AGAP1: variants seen among roughly 807,000 people sequenced by gnomAD.
AGAP1 encodes ArfGAP with GTPase domain, ankyrin repeat and PH domain 1, also known as arf-GAP with GTPase, ANK repeat and PH domain-containing protein 1.
AGAP1 carries 29 observed loss-of-function variants against 105.3 expected under a neutral mutation model. The ratio of observed to expected loss-of-function variants is 0.28; its 90% CI spans 0.21 to 0.38. The LOEUF (loss-of-function observed/expected upper bound fraction) is 0.38, where lower values mean the gene tolerates loss of function less well. AGAP1 is among the 10% of genes least tolerant of loss of function. The pLI, the probability that AGAP1 is intolerant of heterozygous loss-of-function variation, is 1.00. For synonymous variants in AGAP1, 509 were observed against 485.9 expected (o/e 1.05, Z -0.63); for missense variants, 998 against 1,165.1 (o/e 0.86, Z 2.09).
In AGAP1 at chr2:236,046,226, C is replaced by T. The variant is rs368081875; in HGVS notation, c.1892-2833C>T. On this transcript the variant is annotated intron_variant, in intron 15 of 17. Coordinates refer to ENST00000304032, the MANE Select transcript of AGAP1 (RefSeq NM_001037131.3). This position sits in a 1 kb window ranked among gnomAD's most constrained non-coding sequence, Gnocchi z 5.2. ...GTGTCAGAGCACTCCCCACAGCACTCGGTGATGGGCTGGATGCTGGGACAT... is the reference window on the plus strand; with the variant it reads ...GTGTCAGAGCACTCCCCACAGCACTTGGTGATGGGCTGGATGCTGGGACAT... Among the ~76,000 whole-genome samples, 11 of 152,044 alleles carry T rather than the reference C, an allele frequency of 7.2e-5. No homozygotes were observed. The highest frequency in any genetic ancestry group is 5.8e-4 in the East Asian group (3 of 5,182).
chr2:235,704,278 C>T (rs1417555738), intron 1 of AGAP1, among the ~76,000 whole-genome samples: 1 of 152,248 alleles, frequency 6.6e-6, no homozygotes, highest in African/African-American at 2.4e-5. Flanking sequence ...CTTGTAACAT[C>T]TGCTTAGCAA....
rs80276106 is a variant in AGAP1 at position 235,976,623 on chromosome 2, G to A, written c.1645+8000G>A. On this transcript the variant is annotated intron_variant, in intron 13 of 17. Transcript: ENST00000304032. This position sits in a 1 kb window ranked among gnomAD's most constrained non-coding sequence, Gnocchi z 4.5. ...AATGTTCATTGAGCACCTACTGCACGCAAGAGTTTTGTCTGATGCTGGATG... is the reference window on the plus strand; with the variant it reads ...AATGTTCATTGAGCACCTACTGCACACAAGAGTTTTGTCTGATGCTGGATG... Among the ~76,000 whole-genome samples, 2 of 152,176 alleles carry A rather than the reference G, an allele frequency of 1.3e-5. No homozygotes were observed. Among genetic ancestry groups the A allele is most frequent in the Non-Finnish European group, 2.9e-5 (2 of 68,038 alleles).
chr2:235,579,802 C>G (rs1158381221), intron 1 of AGAP1, among the ~76,000 whole-genome samples: 1 of 151,932 alleles, frequency 6.6e-6, no homozygotes, highest in Non-Finnish European at 1.5e-5. Context: ...TGAACACTTA[C>G]TTAGCGTATG....
At chr2:235,838,961 G>A (rs1316168760) in intron 9 of AGAP1, among the ~76,000 whole-genome samples, 1 of 152,166 alleles carries the variant, frequency 6.6e-6, no homozygotes, top group African/African-American at 2.4e-5. Context: ...GGGAATTTCA[G>A]TTGGAAACAT....
chr2:236,120,292 G>T lies in AGAP1; in HGVS notation c.2215G>T (p.Ala739Ser), dbSNP rs1267703982. The change falls in exon 17 of 18, where the codon GCC becomes TCC. Residue 739 changes from alanine to serine, a missense_variant. Transcript: ENST00000304032. The surrounding 1 kb of genome is among the most constrained non-coding windows in gnomAD (Gnocchi z 6.0). ...GTCCCTGGGCCAGCACCTGCTGCGG[G>T]CCACCGCCGACGAGGACCTGCGGAC... The part of the protein sequence containing the change: ...ELSLGQHLLR[A>S]TADEDLRTAI... 6.2e-7 allele frequency: 1 copy of T among 1,612,824 alleles called. No homozygotes were observed. Among genetic ancestry groups the T allele is most frequent in the East Asian group, 2.2e-5 (1 of 44,848 alleles).
At chr2:235,676,561 T>C (rs1948748306) in intron 1 of AGAP1, among the ~76,000 whole-genome samples, 1 of 152,188 alleles carries the variant, frequency 6.6e-6, no homozygotes, top group African/African-American at 2.4e-5. Context: ...GCAAGGTGTT[T>C]GGGATTTCTA....
At position 235,737,796 on chromosome 2, in the gene AGAP1, A is replaced by G. The variant is rs916814256; in HGVS notation, c.311-3167A>G. On this transcript the variant is annotated intron_variant, in intron 3 of 17. Coordinates refer to ENST00000304032, the MANE Select transcript of AGAP1 (RefSeq NM_001037131.3). The surrounding 1 kb of genome is among the most constrained non-coding windows in gnomAD (Gnocchi z 4.5). ...ACACTGGCGTTGCAGGGCCCCTGGG[A>G]CAGGCTCCACTCCTCCCTTCTTGCT... Among the ~76,000 whole-genome samples the G allele has an allele frequency of 3.9e-5, 6 of 152,026 alleles. No homozygotes were observed. Among genetic ancestry groups the G allele is most frequent in the African/African-American group, 1.4e-4 (6 of 41,400 alleles).
chr2:235,784,377 C>T (rs981273058), intron 6 of AGAP1, among the ~76,000 whole-genome samples: 1 of 152,184 alleles, frequency 6.6e-6, no homozygotes, highest in African/African-American at 2.4e-5. Context: ...GACTTCCTCA[C>T]TATTCCTAAA....
chr2:236,123,404 A>C lies in AGAP1; in HGVS notation c.2371-515A>C, dbSNP rs1255498056. ...ATCACAGTATAGTAATCAATAAAAA[A>C]TGAAAAAAATACAAATTATTTGTAC... On this transcript the variant is annotated intron_variant, in intron 17 of 17. Transcript: ENST00000304032. The surrounding 1 kb of genome is among the most constrained non-coding windows in gnomAD (Gnocchi z 4.6). Among the ~76,000 whole-genome samples, 2 of 151,896 alleles carry C rather than the reference A, an allele frequency of 1.3e-5. No individual in the cohort carries two copies. The highest frequency in any genetic ancestry group is 2.9e-5 in the Non-Finnish European group (2 of 68,032).
In AGAP1 at chr2:235,686,556, TACACAC is replaced by T. The variant is rs10700794; in HGVS notation, c.164-22596_164-22591del. Among the ~76,000 whole-genome samples, 128 of 101,864 alleles carry T rather than the reference TACACAC, an allele frequency of 1.3e-3. 1 individual carries two copies. Among genetic ancestry groups the T allele is most frequent in the South Asian group, 2.7e-3 (9 of 3,368 alleles). 66.8% of individuals were successfully genotyped at this position (101,864 alleles called of 152,430 possible). A position where few individuals can be genotyped will look rare whatever the true frequency, so the allele number is the denominator to read the frequency against. ...GGTTCCCAGGAAGGAGATATATATATACACACACACACACACACACACACACACACA... is the reference window on the plus strand; with the variant it reads ...GGTTCCCAGGAAGGAGATATATATATACACACACACACACACACACACACA... On this transcript the variant is annotated intron_variant, in intron 1 of 17. Transcript: ENST00000304032.
chr2:235,526,944 A>G (rs1418110577), intron 1 of AGAP1, among the ~76,000 whole-genome samples: 1 of 152,208 alleles, frequency 6.6e-6, no homozygotes, highest in Non-Finnish European at 1.5e-5. Flanking sequence ...TGTTTTGGAA[A>G]GGATTTGTCT....
chr2:235,694,634 C>T (rs963525013), intron 1 of AGAP1, among the ~76,000 whole-genome samples: 6 of 151,376 alleles, frequency 4.0e-5, no homozygotes, highest in South Asian at 2.1e-4. Context: ...TGCAATAGAA[C>T]GAGACTCCGC....
At chr2:235,786,961 A>G (rs1243219540) in intron 6 of AGAP1, among the ~76,000 whole-genome samples, 1 of 152,118 alleles carries the variant, frequency 6.6e-6, no homozygotes. Flanking sequence ...TTTTCCCAGC[A>G]TATGCTAGTT....
chr2:235,629,771 T>C (rs960939367), intron 1 of AGAP1, among the ~76,000 whole-genome samples: 1 of 148,170 alleles, frequency 6.7e-6, no homozygotes, highest in Admixed American at 6.9e-5. Flanking sequence ...CCAGCCCCTC[T>C]GGAGGATCCC....
At chr2:235,998,697 CAGTGATGATGA>C (rs1232770857) in intron 13 of AGAP1, among the ~76,000 whole-genome samples, 6 of 130,992 alleles carry the variant, frequency 4.6e-5, no homozygotes, top group African/African-American at 1.1e-4. Flanking sequence ...GTGGTGGTAG[CAGTGATGATGA>C]TAGTGGTGAT....
At chr2:235,907,024 A>G (rs760140438) in intron 10 of AGAP1, among the ~76,000 whole-genome samples, 36 of 149,408 alleles carry the variant, frequency 2.4e-4, no homozygotes, top group Admixed American at 6.6e-4. Flanking sequence ...CTCAAAAAAC[A>G]AAACAAAACA....
Position 236,104,357 on chromosome 2 carries a change from C to T in AGAP1, c.2115-15835C>T, listed in dbSNP as rs1231645613. On this transcript the variant is annotated intron_variant, in intron 16 of 17. Coordinates refer to ENST00000304032, the MANE Select transcript of AGAP1 (RefSeq NM_001037131.3). The surrounding 1 kb of genome is among the most constrained non-coding windows in gnomAD (Gnocchi z 4.7). ...CTCTGACTGCACGGGGCTGAGAAGT[C>T]CCCCAGCGGTGCTCCTAGACAGGTG... is the stretch of plus-strand genomic sequence containing the variant. 6.6e-6 allele frequency among the ~76,000 whole-genome samples: 1 copy of T among 152,240 alleles called. No homozygotes were observed. The highest frequency in any genetic ancestry group is 2.4e-5 in the African/African-American group (1 of 41,476).
intron 1 of AGAP1, among the ~76,000 whole-genome samples, chr2:235,606,144 G>C (rs867418210): frequency 1.3e-5 from 2 of 152,200 alleles, no homozygotes; most frequent in African/African-American, 2.4e-5. Context: ...GCCTTTCACC[G>C]GTGAGAAGTA....
rs2149126462 is a variant in AGAP1, at chr2:235,556,403, C to G, written c.163+61554C>G. Among the ~76,000 whole-genome samples the G allele has an allele frequency of 6.6e-6, 1 of 152,370 alleles. No individual in the cohort carries two copies. The highest frequency in any genetic ancestry group is 2.4e-5 in the African/African-American group (1 of 41,588). ...GGGACACTGACCCCAAGGCCCAGGC[C>G]AGTCTCGTCCAGGCTGCCCACACCT... On this transcript the variant is annotated intron_variant, in intron 1 of 17. Transcript: ENST00000304032. This position sits in a 1 kb window ranked among gnomAD's most constrained non-coding sequence, Gnocchi z 5.3.
Sources: allele counts gnomAD v4.1 joint callset (sites outside exome capture counted in the v4.1 genomes callset), GRCh38; gene constraint gnomAD v4.1.1; non-coding constraint Gnocchi (gnomAD v3.1); transcripts MANE v1.5; gene names NCBI Gene and HGNC (gene_info 2026-07-23, HGNC 2026-07-21).